The following RAB3GAP2 variants were observed in gnomAD, a reference collection of about 807,000 sequenced individuals.
RAB3GAP2 encodes the protein RAB3 GTPase activating non-catalytic protein subunit 2, also known as rab3 GTPase-activating protein non-catalytic subunit.
Under a neutral mutation model 185.3 loss-of-function variants are expected in RAB3GAP2, and 87 were observed. The ratio of observed to expected loss-of-function variants is 0.47; its 90% confidence interval spans 0.39 to 0.56. The LOEUF (loss-of-function observed/expected upper bound fraction) is 0.56. RAB3GAP2 is among the 20% of genes least tolerant of loss of function. The probability of loss-of-function intolerance (pLI) is 0.00; values close to 1 mark genes in which losing one functional copy is unlikely to be tolerated. For missense variants in RAB3GAP2, 1,492 were observed against 1,638.2 expected, an observed-to-expected ratio of 0.91 and a Z score of 1.54; for synonymous variants, 554 against 576.1, an observed-to-expected ratio of 0.96 and a Z score of 0.55.
At chr1:220,231,253 C>G (rs2102890881) in intron 2 of RAB3GAP2, among the ~76,000 whole-genome samples, 2 of 152,320 alleles carry the variant, frequency 1.3e-5, no homozygotes, top group Middle Eastern at 3.4e-3. Context: ...CAAGCCCATT[C>G]CTGCCTTGAG....
chr1:220,191,671 A>C (rs1472764226), intron 13 of RAB3GAP2, among the ~76,000 whole-genome samples: 2 of 152,134 alleles, frequency 1.3e-5, no homozygotes, highest in Non-Finnish European at 2.9e-5. Flanking sequence ...ACAAAAAATT[A>C]GCTAGGCATG....
In RAB3GAP2 at chr1:220,149,245, A is replaced by G. The variant is rs2102847117; in HGVS notation, c.*2006T>C. On this transcript the variant is annotated 3_prime_UTR_variant, in exon 35 of 35. Transcript: ENST00000358951. Reference sequence around the variant, plus strand: ...AATTAGATTTTAAAATTCTATGAAAAATTTTAGGATAACAAATCTAACTAG... The same window carrying G: ...AATTAGATTTTAAAATTCTATGAAAGATTTTAGGATAACAAATCTAACTAG... 6.6e-6 allele frequency: 1 copy of G among 152,230 alleles called. No homozygotes were observed. The highest frequency in any genetic ancestry group is 1.9e-4 in the East Asian group (1 of 5,184). 9.4% of individuals were successfully genotyped at this position (152,230 alleles called of 1,614,324 possible).
At chr1:220,201,588 C>T (rs1658859733) in intron 9 of RAB3GAP2, among the ~76,000 whole-genome samples, 1 of 152,072 alleles carries the variant, frequency 6.6e-6, no homozygotes, top group African/African-American at 2.4e-5. Flanking sequence ...CAACCTCCAC[C>T]TCCCGGGTTC....
intron 21 of RAB3GAP2, among the ~76,000 whole-genome samples, chr1:220,181,777 T>C (rs1658410825): frequency 6.6e-6 from 1 of 152,088 alleles, no homozygotes; most frequent in African/African-American, 2.4e-5. Context: ...TGGCCAGGCA[T>C]GGTGGTTCTT....
chr1:220,181,811 C>T (rs960162407), intron 21 of RAB3GAP2, among the ~76,000 whole-genome samples: 6 of 151,838 alleles, frequency 4.0e-5, no homozygotes, highest in African/African-American at 7.3e-5. Context: ...AAGCTTTGAG[C>T]GGTCATGCGG....
At chr1:220,187,886 A>G (rs1658534709) in intron 17 of RAB3GAP2, among the ~76,000 whole-genome samples, 4 of 152,096 alleles carry the variant, frequency 2.6e-5, no homozygotes, top group Admixed American at 2.6e-4. Flanking sequence ...GGGTCATAGT[A>G]ACCCTAATTT....
intron 1 of RAB3GAP2, chr1:220,253,770 C>T: frequency 1.9e-6 from 3 of 1,611,698 alleles, no homozygotes; most frequent in Non-Finnish European, 1.7e-6. Context: ...AATACGTGGA[C>T]ACCAATTTGC....
At chr1:220,239,202 C>T (rs1659647260) in intron 1 of RAB3GAP2, among the ~76,000 whole-genome samples, 1 of 152,076 alleles carries the variant, frequency 6.6e-6, no homozygotes, top group Non-Finnish European at 1.5e-5. Flanking sequence ...TATTCAGGAT[C>T]CAAACCATCT....
rs1658874156 is a variant in RAB3GAP2, at chr1:220,202,173, A to G, written c.811+103T>C. The G allele has an allele frequency of 2.4e-6, 3 of 1,250,092 alleles. No homozygotes were observed. The South Asian group carries it at 4.7e-5, about 20-fold the overall frequency. The allele number at this position is 1,250,092 out of a possible 1,614,324, so 77.4% of individuals were successfully genotyped here. A position where few individuals can be genotyped will look rare whatever the true frequency, so the allele number is the denominator to read the frequency against. The stretch of plus-strand genomic sequence containing the variant: ...GAGCAAAGCTCCATCTTAAAAAATA[A>G]TAATAATAAATAAAGAATAAATGCC... On this transcript the variant is annotated intron_variant, in intron 9 of 34. Transcript: ENST00000358951.
At chr1:220,172,527 G>A (rs568146402) in intron 22 of RAB3GAP2, 110 bp downstream of exon 22, 42 of 729,894 alleles carry the variant, frequency 5.8e-5, no homozygotes, top group East Asian at 1.1e-4. Context: ...ACGGTGAAAT[G>A]TTTTGTACAC....
intron 2 of RAB3GAP2, chr1:220,219,337 T>G (rs1328001856): frequency 6.6e-6 from 1 of 152,198 alleles, no homozygotes; most frequent in African/African-American, 2.4e-5. Flanking sequence ...TTGAGTGAAA[T>G]TCCTCCTTTT....
chr1:220,148,914 A>AAGAT lies in RAB3GAP2; in HGVS notation c.*2333_*2336dup, dbSNP rs1404297527. The AAGAT allele has an allele frequency of 2.6e-5, 4 of 152,210 alleles. No individual in the cohort carries two copies. Among genetic ancestry groups the AAGAT allele is most frequent in the Admixed American group, 1.3e-4 (2 of 15,290 alleles). 9.4% of individuals were successfully genotyped at this position (152,210 alleles called of 1,614,324 possible). On this transcript the variant is annotated 3_prime_UTR_variant, in exon 35 of 35. Transcript: ENST00000358951. Reference sequence around the variant, plus strand: ...TCAGCATTATACAATATAATTTAATAAGATACAAATGCATATTTAATGTTT... The same window carrying AAGAT: ...TCAGCATTATACAATATAATTTAATAAGATAGATACAAATGCATATTTAATGTTT...
At chr1:220,252,600 C>T (rs1225830148) in intron 1 of RAB3GAP2, among the ~76,000 whole-genome samples, 1 of 152,192 alleles carries the variant, frequency 6.6e-6, no homozygotes, top group Non-Finnish European at 1.5e-5. Flanking sequence ...GGGCACGGAG[C>T]CAAAGAAACC....
At chr1:220,199,342 CCTT>C (rs976889218) in intron 9 of RAB3GAP2, among the ~76,000 whole-genome samples, 2 of 152,066 alleles carry the variant, frequency 1.3e-5, no homozygotes, top group African/African-American at 4.8e-5. Flanking sequence ...TTCTTATGCT[CCTT>C]GTTTGTGATT....
At chr1:220,215,993 T>A (rs1659194021) in intron 2 of RAB3GAP2, among the ~76,000 whole-genome samples, 1 of 152,132 alleles carries the variant, frequency 6.6e-6, no homozygotes, top group African/African-American at 2.4e-5. Flanking sequence ...AATGTTACAG[T>A]AGTATCATAT....
intron 18 of RAB3GAP2, among the ~76,000 whole-genome samples, chr1:220,184,892 T>C (rs1412696176): frequency 3.9e-5 from 6 of 151,966 alleles, no homozygotes; most frequent in Non-Finnish European, 5.9e-5. Flanking sequence ...CAGTTTTATG[T>C]ATCTGTTAAA....
At chr1:220,201,038 G>A (rs1053047993) in intron 9 of RAB3GAP2, among the ~76,000 whole-genome samples, 9 of 152,108 alleles carry the variant, frequency 5.9e-5, no homozygotes, top group African/African-American at 2.2e-4. Flanking sequence ...TTACTATGTT[G>A]TAGTATTGTA....
At chr1:220,206,356 A>T (rs901284904) in intron 7 of RAB3GAP2, among the ~76,000 whole-genome samples, 2 of 152,214 alleles carry the variant, frequency 1.3e-5, no homozygotes, top group Non-Finnish European at 2.9e-5. Flanking sequence ...ACGTCTCAAT[A>T]CACATCCCCA....
intron 2 of RAB3GAP2, among the ~76,000 whole-genome samples, chr1:220,232,216 T>G (rs1659514285): frequency 6.6e-6 from 1 of 152,200 alleles, no homozygotes. Context: ...TTTAGCCCAC[T>G]GCTATGGTTT....
Sources: allele counts gnomAD v4.1 joint callset (sites outside exome capture counted in the v4.1 genomes callset), GRCh38; gene constraint gnomAD v4.1.1; transcripts MANE v1.5; gene names NCBI Gene and HGNC (gene_info 2026-07-23, HGNC 2026-07-21).